IGF1: variants seen among roughly 807,000 people sequenced by gnomAD.
IGF1 encodes the protein insulin-like growth factor 1.
IGF1 carries 4 observed loss-of-function variants against 13.8 expected under a neutral mutation model. The observed-to-expected ratio is 0.29, with a 90% CI of 0.14 to 0.66. The LOEUF (loss-of-function observed/expected upper bound fraction) is 0.66, where lower values mean the gene tolerates loss of function less well. Among genes scored for constraint, IGF1 ranks in the 30% least tolerant of loss-of-function variants. The probability of loss-of-function intolerance (pLI) is 0.78; values close to 1 mark genes in which losing one functional copy is unlikely to be tolerated. For synonymous variants in IGF1, 76 were observed against 72.6 expected, an observed-to-expected ratio of 1.05 and a Z score of -0.23; for missense variants, 124 against 188.5, an observed-to-expected ratio of 0.66 and a Z score of 2.00.
At chr12:102,405,820 A>G (rs5742692) in intron 3 of IGF1, among the ~76,000 whole-genome samples, 10,226 of 152,332 alleles carry the variant, frequency 0.067, 696 homozygotes, top group East Asian at 0.27. Context: ...AAACATTAAG[A>G]TACCATCTAT....
chr12:102,444,815 A>G (rs1302932851), intron 2 of IGF1, among the ~76,000 whole-genome samples: 1 of 152,096 alleles, frequency 6.6e-6, no homozygotes, highest in Non-Finnish European at 1.5e-5. Flanking sequence ...GAGATGCGTT[A>G]ACTCATAAAT....
intron 2 of IGF1, among the ~76,000 whole-genome samples, chr12:102,440,202 A>G (rs1388821300): frequency 5.9e-5 from 9 of 152,148 alleles, no homozygotes; most frequent in Non-Finnish European, 7.3e-5. Flanking sequence ...GAGGAGCTCA[A>G]TTGTTCTCTT....
intron 3 of IGF1, among the ~76,000 whole-genome samples, chr12:102,410,234 T>G (rs1039605427): frequency 6.6e-6 from 1 of 152,234 alleles, no homozygotes; most frequent in Admixed American, 6.5e-5. Flanking sequence ...TTTCCCTTGC[T>G]GACAAGAGGT....
At chr12:102,477,823 G>A (rs1881156181) in intron 1 of IGF1, among the ~76,000 whole-genome samples, 1 of 152,014 alleles carries the variant, frequency 6.6e-6, no homozygotes. Flanking sequence ...TTCAGTTTTT[G>A]TGAAATCCAG....
At chr12:102,441,957 T>TCC (rs71438463) in intron 2 of IGF1, among the ~76,000 whole-genome samples, 2 of 134,748 alleles carry the variant, frequency 1.5e-5, no homozygotes, top group Non-Finnish European at 1.6e-5. Flanking sequence ...TTCTTCTTCT[T>TCC]TTTTTTTTTT....
At chr12:102,430,211 C>T (rs1022330575) in intron 2 of IGF1, among the ~76,000 whole-genome samples, 2 of 152,152 alleles carry the variant, frequency 1.3e-5, no homozygotes, top group African/African-American at 4.8e-5. Flanking sequence ...TTAAACATTC[C>T]TTTCTGATAC....
chr12:102,478,637 C>A, intron 1 of IGF1: 4 of 1,456,894 alleles, frequency 2.7e-6, no homozygotes, highest in Non-Finnish European at 3.6e-6. Context: ...CATTTGGACA[C>A]CCAGGCAGGT....
chr12:102,407,157 C>A (rs6539035), intron 3 of IGF1, among the ~76,000 whole-genome samples: 2 of 142,310 alleles, frequency 1.4e-5, no homozygotes, highest in Non-Finnish European at 1.5e-5. Context: ...CTAATAACAA[C>A]GGCAATAATA....
intron 2 of IGF1, among the ~76,000 whole-genome samples, chr12:102,434,125 A>G (rs1650733740): frequency 2.0e-5 from 3 of 150,558 alleles, no homozygotes; most frequent in Non-Finnish European, 4.4e-5. Context: ...TTCAGAGGGC[A>G]TTTCAAAAGT....
chr12:102,439,684 T>G (rs1877538784), intron 2 of IGF1, among the ~76,000 whole-genome samples: 2 of 150,766 alleles, frequency 1.3e-5, no homozygotes, highest in Non-Finnish European at 2.9e-5. Flanking sequence ...TAAGGCTCAT[T>G]TGGAGAACCT....
chr12:102,403,878 G>A (rs1443876595), intron 3 of IGF1, among the ~76,000 whole-genome samples: 2 of 152,062 alleles, frequency 1.3e-5, no homozygotes, highest in African/African-American at 2.4e-5. Context: ...GTTATTGCAG[G>A]TGCTCAATAA....
At chr12:102,422,061 A>G (rs531736967) in intron 2 of IGF1, among the ~76,000 whole-genome samples, 1 of 152,296 alleles carries the variant, frequency 6.6e-6, no homozygotes, top group East Asian at 1.9e-4. Flanking sequence ...CTGGTTTATC[A>G]CCTTGCTTAA....
chr12:102,443,598 CAG>C (rs771986791), intron 2 of IGF1, among the ~76,000 whole-genome samples: 3 of 152,060 alleles, frequency 2.0e-5, no homozygotes, highest in Non-Finnish European at 2.9e-5. Context: ...CTGTTTCTCA[CAG>C]AGTATTTTCA....
intron 3 of IGF1, 52 bp from the exon 4 acceptor site, chr12:102,402,618 C>T: frequency 1.3e-6 from 1 of 778,796 alleles, no homozygotes; most frequent in South Asian, 1.3e-5. Context: ...TTTATGTATC[C>T]ATCTATTTCT....
chr12:102,428,419 T>C (rs1209479908), intron 2 of IGF1, among the ~76,000 whole-genome samples: 6 of 151,804 alleles, frequency 4.0e-5, no homozygotes, highest in Non-Finnish European at 2.9e-5. Context: ...AAGGAAAATG[T>C]CTAATTTGGA....
chr12:102,480,864 A>T (rs1365906137), upstream of IGF1, among the ~76,000 whole-genome samples: 1 of 152,244 alleles, frequency 6.6e-6, no homozygotes, highest in Non-Finnish European at 1.5e-5. Context: ...GGGCATGAAG[A>T]CACAAACGTC....
chr12:102,453,618 T>C (rs1879141148), intron 2 of IGF1, among the ~76,000 whole-genome samples: 1 of 152,200 alleles, frequency 6.6e-6, no homozygotes, highest in African/African-American at 2.4e-5. Context: ...AAGATAAGTT[T>C]CTCTTATGAT....
At chr12:102,427,091 C>T (rs530754831) in intron 2 of IGF1, among the ~76,000 whole-genome samples, 32 of 152,292 alleles carry the variant, frequency 2.1e-4, no homozygotes, top group African/African-American at 7.5e-4. Context: ...TGTCACCAGG[C>T]CGCTTAATCA....
intron 2 of IGF1, among the ~76,000 whole-genome samples, chr12:102,443,822 T>G (rs1405012164): frequency 6.6e-6 from 1 of 151,916 alleles, no homozygotes; most frequent in East Asian, 1.9e-4. Flanking sequence ...TTATTTTTAT[T>G]TATTTATTTA....
Sources: allele counts gnomAD v4.1 joint callset (sites outside exome capture counted in the v4.1 genomes callset), GRCh38; gene constraint gnomAD v4.1.1; transcripts MANE v1.5; gene names NCBI Gene and HGNC (gene_info 2026-07-23, HGNC 2026-07-21).